The following DLG2 variants were observed in gnomAD, a reference collection of about 807,000 sequenced individuals.
The protein encoded by DLG2 is disks large homolog 2.
A neutral mutation model predicts 132.5 loss-of-function variants in DLG2; 45 were observed. The observed-to-expected ratio is 0.34, with a 90% CI of 0.27 to 0.44. DLG2 has a LOEUF of 0.44. Among genes scored for constraint, DLG2 ranks in the 20% least tolerant of loss-of-function variants. DLG2 has a pLI of 1.00. For missense variants in DLG2, 1,045 were observed against 1,196.9 expected (o/e 0.87, Z 1.87); for synonymous variants, 424 against 419.6 (o/e 1.01, Z -0.13).
chr11:83,864,146 G>T (rs940059687), intron 16 of DLG2, among the ~76,000 whole-genome samples: 1 of 152,184 alleles, frequency 6.6e-6, no homozygotes, highest in Non-Finnish European at 1.5e-5. Context: ...TTTAAAGAGG[G>T]TGTTCATTTA....
chr11:83,792,197 A>G (rs1004604631), intron 17 of DLG2, among the ~76,000 whole-genome samples: 4 of 152,150 alleles, frequency 2.6e-5, no homozygotes, highest in Admixed American at 1.3e-4. Context: ...ATGAACACTT[A>G]TAAAAGTGTT....
chr11:83,528,733 T>C (rs1449854520), intron 21 of DLG2, among the ~76,000 whole-genome samples: 1 of 152,164 alleles, frequency 6.6e-6, no homozygotes, highest in Non-Finnish European at 1.5e-5. Context: ...CTCCTGAGGC[T>C]CAGGCTCCTG....
chr11:84,072,770 G>A (rs2096775749), intron 10 of DLG2, among the ~76,000 whole-genome samples: 1 of 152,210 alleles, frequency 6.6e-6, no homozygotes, highest in African/African-American at 2.4e-5. Flanking sequence ...ACAATGTGGA[G>A]ATGTGGACTT....
chr11:83,850,943 G>A (rs1465953492), intron 16 of DLG2, among the ~76,000 whole-genome samples: 3 of 152,104 alleles, frequency 2.0e-5, no homozygotes, highest in South Asian at 2.1e-4. Context: ...TTGGGAGGCC[G>A]AGGCGGGCAG....
chr11:84,988,305 C>A (rs1003644684), intron 6 of DLG2, among the ~76,000 whole-genome samples: 1 of 152,106 alleles, frequency 6.6e-6, no homozygotes, highest in African/African-American at 2.4e-5. Context: ...TAAACTAACA[C>A]TACACTATGG....
chr11:83,845,065 T>C (rs913902698), intron 16 of DLG2, among the ~76,000 whole-genome samples: 11 of 151,922 alleles, frequency 7.2e-5, no homozygotes, highest in African/African-American at 2.7e-4. Context: ...AAAAACTGAG[T>C]TCCAGAGACT....
chr11:84,661,207 G>A (rs1299501807), intron 6 of DLG2, among the ~76,000 whole-genome samples: 3 of 152,078 alleles, frequency 2.0e-5, no homozygotes, highest in Non-Finnish European at 4.4e-5. Flanking sequence ...GTTTTGTTTT[G>A]TTTTGTTTTA....
At chr11:84,325,044 C>A (rs2098423767) in intron 7 of DLG2, among the ~76,000 whole-genome samples, 1 of 151,950 alleles carries the variant, frequency 6.6e-6, no homozygotes, top group Non-Finnish European at 1.5e-5. Context: ...CTGTTACTTC[C>A]AGTACTATGT....
chr11:84,402,471 T>G (rs1027015459), intron 7 of DLG2, among the ~76,000 whole-genome samples: 1 of 152,142 alleles, frequency 6.6e-6, no homozygotes, highest in African/African-American at 2.4e-5. Flanking sequence ...AATTTTGCTC[T>G]TTGTGGTACA....
At chr11:85,536,259 TACAG>T (rs2075574096) in intron 3 of DLG2, among the ~76,000 whole-genome samples, 1 of 136,826 alleles carries the variant, frequency 7.3e-6, no homozygotes, top group Non-Finnish European at 1.6e-5. Flanking sequence ...GGCAAATCCA[TACAG>T]ACAATGTCAG....
chr11:84,177,739 A>G (rs554890642), intron 8 of DLG2, among the ~76,000 whole-genome samples: 2 of 152,174 alleles, frequency 1.3e-5, no homozygotes, highest in Non-Finnish European at 2.9e-5. Flanking sequence ...CAAAATGAAT[A>G]TCATAGGATT....
At chr11:85,488,294 A>C (rs1291643962) in intron 3 of DLG2, among the ~76,000 whole-genome samples, 1 of 151,848 alleles carries the variant, frequency 6.6e-6, no homozygotes, top group Non-Finnish European at 1.5e-5. Flanking sequence ...GAGGCTAAGG[A>C]AGGAGAATCG....
intron 7 of DLG2, among the ~76,000 whole-genome samples, chr11:84,340,505 A>C (rs2098509677): frequency 6.6e-6 from 1 of 152,204 alleles, no homozygotes; most frequent in South Asian, 2.1e-4. Flanking sequence ...TCTATGAATC[A>C]GGCCATATAC....
chr11:83,944,525 C>T lies in DLG2; in HGVS notation c.1341-14042G>A, dbSNP rs567203212. ...CCGATCCTGACTGGCCCAGTATAGC[C>T]GATGGAAGTCAGAGGTGCTGTTAAG... On this transcript the variant is annotated intron_variant, in intron 14 of 27. Coordinates refer to ENST00000376104, the MANE Select transcript of DLG2 (RefSeq NM_001142699.3). Among the ~76,000 whole-genome samples, 58 of 152,148 alleles carry T rather than the reference C, an allele frequency of 3.8e-4. 1 individual carries two copies. Among genetic ancestry groups the T allele is most frequent in the Admixed American group, 4.6e-4 (7 of 15,274 alleles).
intron 6 of DLG2, among the ~76,000 whole-genome samples, chr11:84,676,272 A>G (rs1033782620): frequency 1.9e-4 from 29 of 152,130 alleles, no homozygotes; most frequent in Admixed American, 1.3e-3. Flanking sequence ...CTTCAGATAG[A>G]AAGTCTGGAA....
At chr11:85,558,496 C>A (rs1421818511) in intron 3 of DLG2, among the ~76,000 whole-genome samples, 1 of 151,834 alleles carries the variant, frequency 6.6e-6, no homozygotes, top group African/African-American at 2.4e-5. Context: ...CACTCACATG[C>A]TCATTGCAGA....
chr11:84,949,135 G>A (rs1280314442), intron 6 of DLG2, among the ~76,000 whole-genome samples: 1 of 152,100 alleles, frequency 6.6e-6, no homozygotes, highest in Non-Finnish European at 1.5e-5. Context: ...TTTTAAAGCT[G>A]GGCATCCGGG....
At chr11:83,678,651 G>T (rs2078191232) in intron 18 of DLG2, among the ~76,000 whole-genome samples, 1 of 151,994 alleles carries the variant, frequency 6.6e-6, no homozygotes, top group South Asian at 2.1e-4. Flanking sequence ...AAAATTATTG[G>T]GTCCTATTTA....
chr11:84,923,476 G>C, intron 6 of DLG2: 1 of 769,108 alleles, frequency 1.3e-6, no homozygotes, highest in Non-Finnish European at 1.6e-6. Context: ...TCAGGAAGGA[G>C]GGGGGGAAAG....
Sources: gnomAD v4.1 joint callset for allele counts (sites outside exome capture counted in the v4.1 genomes callset) on GRCh38, gnomAD v4.1.1 for gene constraint, MANE v1.5 for transcripts, NCBI Gene and HGNC (gene_info 2026-07-23, HGNC 2026-07-21) for gene names.